Variants in ARHGAP22 observed in about 807,000 individuals in gnomAD.
The protein encoded by ARHGAP22 is Rho GTPase activating protein 22, also known as rho GTPase-activating protein 22.
ARHGAP22 carries 48 observed loss-of-function variants against 59.1 expected under a neutral mutation model. The ratio of observed to expected loss-of-function variants is 0.81; its 90% CI spans 0.64 to 1.03. The LOEUF is 1.03. ARHGAP22 is among the 50% of genes least tolerant of loss of function. The pLI is 0.00. For missense variants in ARHGAP22, 1,015 were observed against 958.7 expected (o/e 1.06, Z -0.78); for synonymous variants, 445 against 416.4 (o/e 1.07, Z -0.84).
At chr10:48,451,921 A>C (rs2046004796) in intron 8 of ARHGAP22, among the ~76,000 whole-genome samples, 1 of 142,956 alleles carries the variant, frequency 7.0e-6, no homozygotes, top group Admixed American at 6.9e-5. Context: ...CCCCCCATAC[A>C]GAATCGCACA....
chr10:48,546,622 T>A, intron 3 of ARHGAP22: 1 of 168,912 alleles, frequency 5.9e-6, no homozygotes, highest in Non-Finnish European at 1.3e-5. Flanking sequence ...GTCATGAAAA[T>A]CATGTGTACA....
intron 2 of ARHGAP22, 98 bp from the exon 3 acceptor site, chr10:48,555,648 C>A: frequency 8.6e-7 from 1 of 1,165,084 alleles, no homozygotes; most frequent in Admixed American, 1.9e-5. Flanking sequence ...GGACCTGGGG[C>A]CCTCCAGGCC....
chr10:48,644,560 A>G (rs2062209473), intron 1 of ARHGAP22, among the ~76,000 whole-genome samples: 1 of 152,244 alleles, frequency 6.6e-6, no homozygotes. Context: ...CAATTAAAAA[A>G]TCTAAATCAT....
chr10:48,460,116 C>G lies in ARHGAP22; in HGVS notation c.452-225G>C, dbSNP rs573999333. ...GGGCCCTGGGCTGCCTGTGGACAGA[C>G]AGCAGGAGGGAGCAGTGAGATGGTG... On this transcript the variant is annotated intron_variant, in intron 4 of 9. Transcript: ENST00000249601. Among the ~76,000 whole-genome samples, 48 of 152,326 alleles carry G rather than the reference C, an allele frequency of 3.2e-4. 1 individual carries two copies. The South Asian group carries it at 8.1e-3, about 26-fold the overall frequency.
intron 4 of ARHGAP22, among the ~76,000 whole-genome samples, chr10:48,465,832 C>G (rs1038212589): frequency 1.3e-5 from 2 of 152,170 alleles, no homozygotes; most frequent in South Asian, 4.1e-4. Flanking sequence ...TGGCTCCAGG[C>G]CTTTCTGCTC....
chr10:48,539,912 C>T, intron 3 of ARHGAP22, among the ~76,000 whole-genome samples: 1 of 151,978 alleles, frequency 6.6e-6, no homozygotes. Flanking sequence ...TAGCCTTTAC[C>T]AATAACTAAC....
chr10:48,622,830 G>A (rs933668337), intron 1 of ARHGAP22, among the ~76,000 whole-genome samples: 1 of 152,182 alleles, frequency 6.6e-6, no homozygotes, highest in Admixed American at 6.5e-5. Context: ...GCATATGGCT[G>A]CCTTTACACT....
At chr10:48,494,324 C>G (rs1482327819) in intron 3 of ARHGAP22, among the ~76,000 whole-genome samples, 4 of 152,160 alleles carry the variant, frequency 2.6e-5, no homozygotes, top group Admixed American at 6.5e-5. Flanking sequence ...GCCTCTGGGA[C>G]AAAGGGAGCA....
chr10:48,648,812 G>A (rs928571453), intron 1 of ARHGAP22, among the ~76,000 whole-genome samples: 2 of 152,198 alleles, frequency 1.3e-5, no homozygotes, highest in African/African-American at 4.8e-5. Context: ...CAGATCCTAC[G>A]ATGGGCAAGG....
chr10:48,507,777 A>C (rs1202574394), intron 3 of ARHGAP22, among the ~76,000 whole-genome samples: 1 of 152,168 alleles, frequency 6.6e-6, no homozygotes, highest in East Asian at 1.9e-4. Context: ...CCACAGGCTA[A>C]AGAAATCACA....
chr10:48,633,489 C>T (rs964899010), intron 1 of ARHGAP22, among the ~76,000 whole-genome samples: 56 of 152,246 alleles, frequency 3.7e-4, no homozygotes, highest in African/African-American at 1.2e-3. Flanking sequence ...TACCCTGTGC[C>T]TTTCCTTGAA....
Position 48,604,676 on chromosome 10 carries a change from C to T in ARHGAP22, c.34+87G>A, listed in dbSNP as rs2060579430. 34 of 1,605,824 alleles carry T rather than the reference C, an allele frequency of 2.1e-5. No homozygotes were observed. The South Asian group carries it at 3.4e-4, about 16-fold the overall frequency. ...CCCAGAACGCCCGCCCCATGTGACA[C>T]ATGGCGTGACGGCTGGCCAAGTGTC... On this transcript the variant is annotated intron_variant, in intron 1 of 9. Coordinates refer to ENST00000249601, the MANE Select transcript of ARHGAP22 (RefSeq NM_021226.4).
chr10:48,517,941 T>G (rs1045607705), intron 3 of ARHGAP22, among the ~76,000 whole-genome samples: 5 of 152,186 alleles, frequency 3.3e-5, no homozygotes, highest in African/African-American at 1.2e-4. Context: ...TCTGACAGTC[T>G]TGAGGCCTGC....
At chr10:48,612,223 T>C (rs1432583699) in intron 1 of ARHGAP22, among the ~76,000 whole-genome samples, 2 of 152,184 alleles carry the variant, frequency 1.3e-5, no homozygotes, top group African/African-American at 2.4e-5. Flanking sequence ...AAGTCTTTCC[T>C]GCTCTCAAGA....
intron 2 of ARHGAP22, chr10:48,574,572 C>A (rs973152784): frequency 1.3e-5 from 2 of 152,204 alleles, no homozygotes; most frequent in Admixed American, 1.3e-4. Flanking sequence ...AAGTGAAGGG[C>A]ATCTGACACA....
chr10:48,454,896 T>C (rs1027592155), intron 6 of ARHGAP22, 106 bp downstream of exon 6: 5 of 1,239,554 alleles, frequency 4.0e-6, no homozygotes, highest in Non-Finnish European at 5.2e-6. Context: ...CTCCACAGGA[T>C]CCATGTGCCA....
intron 3 of ARHGAP22, among the ~76,000 whole-genome samples, chr10:48,553,238 C>T (rs1047953957): frequency 2.6e-5 from 4 of 152,234 alleles, no homozygotes; most frequent in African/African-American, 7.2e-5. Context: ...CCACCCGTCC[C>T]GCTCTCCCTG....
At chr10:48,509,292 TC>T (rs1340045252) in intron 3 of ARHGAP22, among the ~76,000 whole-genome samples, 1 of 152,102 alleles carries the variant, frequency 6.6e-6, no homozygotes, top group Non-Finnish European at 1.5e-5. Context: ...CCATGGGGCA[TC>T]GCTCAGGAGC....
intron 3 of ARHGAP22, among the ~76,000 whole-genome samples, chr10:48,533,927 T>C (rs1348598475): frequency 6.6e-6 from 1 of 152,214 alleles, no homozygotes; most frequent in Non-Finnish European, 1.5e-5. Flanking sequence ...GGTGACAGAT[T>C]GTGGAAAAGC....
Sources: gnomAD v4.1 joint callset for allele counts (sites outside exome capture counted in the v4.1 genomes callset) on GRCh38, gnomAD v4.1.1 for gene constraint, MANE v1.5 for transcripts, NCBI Gene and HGNC (gene_info 2026-07-23, HGNC 2026-07-21) for gene names.